FCHSD2: variants seen among roughly 807,000 people sequenced by gnomAD.
FCHSD2 encodes F-BAR and double SH3 domains protein 2.
In FCHSD2, 38 loss-of-function variants were observed where a neutral mutation model predicts 108.1. The observed-to-expected ratio is 0.35, with a 90% CI of 0.27 to 0.46. The LOEUF (loss-of-function observed/expected upper bound fraction) is 0.46, where lower values mean the gene tolerates loss of function less well. Among genes scored for constraint, FCHSD2 ranks in the 20% least tolerant of loss-of-function variants. The probability of loss-of-function intolerance (pLI) is 1.00; values close to 1 mark genes in which losing one functional copy is unlikely to be tolerated. For missense variants in FCHSD2, 751 were observed against 897.8 expected, an observed-to-expected ratio of 0.84 and a Z score of 2.09; for synonymous variants, 279 against 314.7, an observed-to-expected ratio of 0.89 and a Z score of 1.20.
At chr11:72,987,288 ACTT>A (rs1271620163) in intron 6 of FCHSD2, among the ~76,000 whole-genome samples, 1 of 152,108 alleles carries the variant, frequency 6.6e-6, no homozygotes, top group Non-Finnish European at 1.5e-5. Context: ...TCCAAACATC[ACTT>A]CTTCTATAAA....
At chr11:73,028,446 G>A (rs1858279932) in intron 3 of FCHSD2, among the ~76,000 whole-genome samples, 1 of 152,186 alleles carries the variant, frequency 6.6e-6, no homozygotes, top group Admixed American at 6.5e-5. Flanking sequence ...TTTATCAAAT[G>A]CCTGTACCCC....
intron 3 of FCHSD2, among the ~76,000 whole-genome samples, chr11:73,031,887 A>G (rs1858369282): frequency 6.6e-6 from 1 of 152,226 alleles, no homozygotes; most frequent in African/African-American, 2.4e-5. Flanking sequence ...ACTGTATTAG[A>G]TGCTGGGGGA....
intron 8 of FCHSD2, among the ~76,000 whole-genome samples, chr11:72,941,538 A>G (rs1485492024): frequency 6.6e-6 from 1 of 151,856 alleles, no homozygotes; most frequent in African/African-American, 2.4e-5. Flanking sequence ...GTATTGATCT[A>G]TTTTTTCTTT....
At chr11:72,904,030 G>A (rs564615732) in intron 9 of FCHSD2, among the ~76,000 whole-genome samples, 58 of 152,138 alleles carry the variant, frequency 3.8e-4, no homozygotes, top group African/African-American at 1.3e-3. Context: ...GGAACTGGGC[G>A]AACCAAACAG....
chr11:73,119,871 G>A (rs1218552537), intron 2 of FCHSD2, among the ~76,000 whole-genome samples: 1 of 152,128 alleles, frequency 6.6e-6, no homozygotes, highest in Non-Finnish European at 1.5e-5. Flanking sequence ...CACTGTATTA[G>A]TCTGCTTTCA....
chr11:72,854,665 T>C (rs1157492947), intron 13 of FCHSD2, among the ~76,000 whole-genome samples: 1 of 152,180 alleles, frequency 6.6e-6, no homozygotes, highest in Non-Finnish European at 1.5e-5. Flanking sequence ...TTTGAGGCCA[T>C]TATGCTAAGT....
chr11:72,872,314 C>T (rs1394563710), intron 12 of FCHSD2, among the ~76,000 whole-genome samples: 1 of 133,356 alleles, frequency 7.5e-6, no homozygotes, highest in Non-Finnish European at 1.6e-5. Flanking sequence ...TAGAACCACA[C>T]AATTCACTCA....
At chr11:72,883,931 C>CAAA (rs34998210) in intron 12 of FCHSD2, among the ~76,000 whole-genome samples, 1 of 74,574 alleles carries the variant, frequency 1.3e-5, no homozygotes, top group Non-Finnish European at 2.9e-5. Flanking sequence ...GACCGTGTCT[C>CAAA]AAAAAAAAAA....
chr11:73,018,510 ATCTTG>A (rs1027740015), intron 3 of FCHSD2, among the ~76,000 whole-genome samples: 2 of 146,082 alleles, frequency 1.4e-5, no homozygotes, highest in African/African-American at 5.0e-5. Flanking sequence ...TCAGGTACAG[ATCTTG>A]TCTTTTTTTT....
Position 72,887,557 on chromosome 11 carries a change from C to G in FCHSD2, c.1059G>C (p.Glu353Asp). 1 of 1,584,092 alleles carries G rather than the reference C, an allele frequency of 6.3e-7. No individual in the cohort carries two copies. Among genetic ancestry groups the G allele is most frequent in the Non-Finnish European group, 8.6e-7 (1 of 1,168,318 alleles). Residue 353 changes from glutamate to aspartate, a missense_variant, in exon 12 of 20, where the codon GAG (glutamate) becomes GAC (aspartate). By Grantham distance (45) the Glu-to-Asp change is conservative (BLOSUM62 2). Coordinates refer to ENST00000409418, the MANE Select transcript of FCHSD2 (RefSeq NM_014824.3). ...GTTCTGATACAGCAGCTCCATGACA[C>G]TCCAGATCATTTAGAACCTATTAAA... Reference protein sequence around the residue: ...VHQQRVLNDLECHGAAVSEQS... With the variant: ...VHQQRVLNDLDCHGAAVSEQS...
intron 2 of FCHSD2, among the ~76,000 whole-genome samples, chr11:73,097,753 G>T (rs1448492917): frequency 6.6e-6 from 1 of 150,586 alleles, no homozygotes; most frequent in Non-Finnish European, 1.5e-5. Context: ...TCTAATTTTT[G>T]AAGAATTATT....
rs2135429693 is a variant in FCHSD2 at position 73,012,518 on chromosome 11, T to G, written c.242+3291A>C. On this transcript the variant is annotated intron_variant, in intron 4 of 19. Coordinates refer to ENST00000409418, the MANE Select transcript of FCHSD2 (RefSeq NM_014824.3). ...TTGGATAAGAATTTAAAACTACCAA[T>G]GCAAATATAAATACGAAAAAGTTAA... Among the ~76,000 whole-genome samples, 2 of 152,298 alleles carry G rather than the reference T, an allele frequency of 1.3e-5. 1 individual carries two copies. The highest frequency in any genetic ancestry group is 1.3e-4 in the Admixed American group (2 of 15,304).
intron 17 of FCHSD2, 130 bp from the exon 18 acceptor site, chr11:72,841,713 TTAGA>T: frequency 1.0e-6 from 1 of 955,878 alleles, no homozygotes; most frequent in Non-Finnish European, 1.5e-6. Flanking sequence ...GTCAACCTCA[TTAGA>T]GGCAACTGAG....
In FCHSD2 at chr11:72,890,060, G is replaced by C. The variant is rs187006338; in HGVS notation, c.925-115C>G. The C allele has an allele frequency of 1.9e-3, 1,211 of 631,816 alleles. 29 individuals are homozygous for C. The South Asian group carries it at 0.021, about 11-fold the overall frequency. 39.1% of individuals were successfully genotyped at this position (631,816 alleles called of 1,614,324 possible). ...AATCAGCACTCAAAACATGAGGCAC[G>C]CTCCACTACTGCTGGAAGCAATGTC... On this transcript the variant is annotated intron_variant, in intron 10 of 19. Coordinates refer to ENST00000409418, the MANE Select transcript of FCHSD2 (RefSeq NM_014824.3).
At chr11:72,863,553 TA>T (rs781509171) in intron 13 of FCHSD2, among the ~76,000 whole-genome samples, 1 of 151,792 alleles carries the variant, frequency 6.6e-6, no homozygotes, top group South Asian at 2.1e-4. Flanking sequence ...ATTAAGGAAA[TA>T]AAAAAATAAG....
At chr11:72,856,269 G>A (rs778081527) in intron 13 of FCHSD2, among the ~76,000 whole-genome samples, 6 of 152,168 alleles carry the variant, frequency 3.9e-5, no homozygotes, top group Non-Finnish European at 8.8e-5. Flanking sequence ...CTGGGAATGC[G>A]GAAGAGGCCA....
rs776933053 is a variant in FCHSD2, at chr11:72,841,595, G to A, written c.1927-12C>T. 3 of 1,592,822 alleles carry A rather than the reference G, an allele frequency of 1.9e-6. No homozygotes were observed. Among genetic ancestry groups the A allele is most frequent in the East Asian group, 2.2e-5 (1 of 44,450 alleles). On this transcript the variant is annotated splice_polypyrimidine_tract_variant and intron_variant, in intron 17 of 19. Coordinates refer to ENST00000409418, the MANE Select transcript of FCHSD2 (RefSeq NM_014824.3). ...GGGGAAGGAGAGATCTGCAGCAAAG[G>A]GAAGCGAGGTTACCCGGTGCTCCCC...
At chr11:72,943,633 T>C (rs1591421515) in intron 8 of FCHSD2, among the ~76,000 whole-genome samples, 1 of 152,332 alleles carries the variant, frequency 6.6e-6, no homozygotes, top group East Asian at 1.9e-4. Flanking sequence ...ATTTGACTTT[T>C]GAACATATAT....
intron 2 of FCHSD2, among the ~76,000 whole-genome samples, chr11:73,137,482 T>C (rs1861146714): frequency 6.6e-6 from 1 of 151,834 alleles, no homozygotes; most frequent in South Asian, 2.1e-4. Flanking sequence ...CCCTACAGAG[T>C]GTATACAGTA....
Sources: gnomAD v4.1 joint callset for allele counts (sites outside exome capture counted in the v4.1 genomes callset) on GRCh38, gnomAD v4.1.1 for gene constraint, MANE v1.5 for transcripts, NCBI Gene and HGNC (gene_info 2026-07-23, HGNC 2026-07-21) for gene names.